The following KRTCAP3 variants were observed in gnomAD, a reference collection of about 807,000 sequenced individuals.
The protein encoded by KRTCAP3 is keratinocyte-associated protein 3.
In KRTCAP3, 18 loss-of-function variants were observed where a neutral mutation model predicts 20.5. The observed-to-expected ratio is 0.88, with a 90% CI of 0.61 to 1.31. The LOEUF (loss-of-function observed/expected upper bound fraction) is 1.31. Ranked by LOEUF, KRTCAP3 falls within the 50% of genes most tolerant of loss-of-function variation. The pLI is 0.00. For missense variants in KRTCAP3, 347 were observed against 310.4 expected, an observed-to-expected ratio of 1.12 and a Z score of -0.89; for synonymous variants, 167 against 133.7, an observed-to-expected ratio of 1.25 and a Z score of -1.72.
downstream of KRTCAP3, chr2:27,444,986 C>T (rs375966926): frequency 1.4e-5 from 22 of 1,609,194 alleles, no homozygotes; most frequent in African/African-American, 2.5e-4. Context: ...CCCTCTCTGC[C>T]TTCATTCTCC....
intron 6 of KRTCAP3, 52 bp downstream of exon 6, chr2:27,444,113 C>A: frequency 9.4e-7 from 1 of 1,064,840 alleles, no homozygotes; most frequent in Non-Finnish European, 1.5e-6. Context: ...CAAGGAAGTG[C>A]TCTTAGAACT....
intron 4 of KRTCAP3, 55 bp downstream of exon 4, chr2:27,443,335 A>T: frequency 1.9e-6 from 3 of 1,613,022 alleles, no homozygotes; most frequent in Non-Finnish European, 2.5e-6. Context: ...CTGCCCTTTT[A>T]ATTTCCCCTA....
chr2:27,442,719 G>A lies in KRTCAP3; in HGVS notation c.169G>A (p.Glu57Lys), dbSNP rs1208662595. 1.2e-6 allele frequency: 2 copies of A among 1,602,550 alleles called. No individual in the cohort carries two copies. Among genetic ancestry groups the A allele is most frequent in the Non-Finnish European group, 1.7e-6 (2 of 1,173,688 alleles). ...CAATCCCCGCGGCGCTGTCACGCCG[G>A]AGTACACCGTAGCCAATGTCATCTC... is the stretch of plus-strand genomic sequence containing the variant. ...VANPRGAVTP[E>K]YTVANVISVG... is the part of the protein sequence containing the mutation. Residue 57 changes from glutamate to lysine, a missense_variant, in exon 2 of 7, where the codon GAG (glutamate) becomes AAG (lysine). Coordinates refer to ENST00000288873, the MANE Select transcript of KRTCAP3 (RefSeq NM_173853.4).
At chr2:27,445,259 C>T (rs777683967), downstream of KRTCAP3, 3 of 1,594,950 alleles carry the variant, frequency 1.9e-6, no homozygotes, top group Non-Finnish European at 2.6e-6. The surrounding 1 kb of genome is among the most constrained non-coding windows in gnomAD (Gnocchi z 4.4). Context: ...CTGCTTTCTA[C>T]CCACCACAGG....
chr2:27,442,725 A>C lies in KRTCAP3; in HGVS notation c.175A>C (p.Thr59Pro), dbSNP rs200651326. ...NPRGAVTPEY[T>P]VANVISVGSG... Reference sequence around the variant, plus strand: ...CCGCGGCGCTGTCACGCCGGAGTACACCGTAGCCAATGTCATCTCTGTCGG... The same window carrying C: ...CCGCGGCGCTGTCACGCCGGAGTACCCCGTAGCCAATGTCATCTCTGTCGG... Residue 59 changes from threonine (T) to proline (P), a missense_variant, in exon 2 of 7, where the codon ACC becomes CCC. By Grantham distance (38) the Thr-to-Pro change is conservative. Coordinates refer to ENST00000288873, the MANE Select transcript of KRTCAP3 (RefSeq NM_173853.4). 6.2e-7 allele frequency: 1 copy of C among 1,604,642 alleles called. No homozygotes were observed. The highest frequency in any genetic ancestry group is 2.2e-5 in the East Asian group (1 of 44,620).
At chr2:27,445,826 A>T (rs1462283839), downstream of KRTCAP3, 2 of 1,614,206 alleles carry the variant, frequency 1.2e-6, no homozygotes, top group Non-Finnish European at 1.7e-6. The surrounding 1 kb of genome is among the most constrained non-coding windows in gnomAD (Gnocchi z 4.4). Context: ...GGCCATCTAG[A>T]GTCCCTTCCT....
At chr2:27,442,464 C>G (rs182899232) in intron 1 of KRTCAP3, 24 bp downstream of exon 1, 8 of 1,564,146 alleles carry the variant, frequency 5.1e-6, no homozygotes, top group Non-Finnish European at 4.3e-6. Context: ...CCTGGCGTCT[C>G]GTCTCCTTAC....
Position 27,443,262 on chromosome 2 carries a change from T to G in KRTCAP3, c.462T>G (p.Phe154Leu). 6.2e-7 allele frequency: 1 copy of G among 1,614,194 alleles called. No individual in the cohort carries two copies. The highest frequency in any genetic ancestry group is 8.5e-7 in the Non-Finnish European group (1 of 1,180,018). Reference protein sequence around the residue: ...DEGPGHTDCPFDPTRIYDTAL... With the variant: ...DEGPGHTDCPLDPTRIYDTAL... ...GGCCGGGACATACTGACTGCCCCTT[T>G]GACCCCACAAGAATCTATGTGAGCA... The change falls in exon 4 of 7, where the codon TTT becomes TTG. Residue 154 changes from phenylalanine to leucine, a missense_variant. Phe to Leu is a conservative substitution (Grantham distance 22). Transcript: ENST00000288873.
chr2:27,443,954 G>C lies in KRTCAP3; in HGVS notation c.621G>C (p.Glu207Asp). The C allele has an allele frequency of 6.3e-7, 1 of 1,579,864 alleles. No individual in the cohort carries two copies. The highest frequency in any genetic ancestry group is 2.2e-5 in the East Asian group (1 of 44,744). ...CRKDGLQGQL[E>D]EMTELESPKC... Reference sequence around the variant, plus strand: ...AACTCTATCTTCTTCTGCAGCTAGAGGAAATGACAGAGCTTGAATCTCCTA... The same window carrying C: ...AACTCTATCTTCTTCTGCAGCTAGACGAAATGACAGAGCTTGAATCTCCTA... The change falls in exon 6 of 7, where the codon GAG becomes GAC. Residue 207 changes from glutamate to aspartate, a missense_variant. Glu to Asp is a conservative substitution (Grantham distance 45). Transcript: ENST00000288873.
At position 27,442,693 on chromosome 2, in the gene KRTCAP3, C is replaced by T. The variant is rs778070692; in HGVS notation, c.143C>T (p.Ala48Val). ...VLHGTVLRHV[A>V]NPRGAVTPEY... The stretch of plus-strand genomic sequence containing the variant: ...CATGGCACCGTCCTGCGGCACGTGG[C>T]CAATCCCCGCGGCGCTGTCACGCCG... The change falls in exon 2 of 7, where the codon GCC (alanine) becomes GTC (valine). Residue 48 changes from alanine (A) to valine (V), a missense_variant. Ala to Val is a moderately conservative substitution (Grantham distance 64). Transcript: ENST00000288873. 1 of 1,587,986 alleles carries T rather than the reference C, an allele frequency of 6.3e-7. No individual in the cohort carries two copies. Among genetic ancestry groups the T allele is most frequent in the Admixed American group, 1.8e-5 (1 of 57,004 alleles).
chr2:27,445,076 A>G, downstream of KRTCAP3: 1 of 1,614,126 alleles, frequency 6.2e-7, no homozygotes, highest in Non-Finnish European at 8.5e-7. The surrounding 1 kb of genome is among the most constrained non-coding windows in gnomAD (Gnocchi z 4.4). Context: ...GGCCGCTTAA[A>G]TTCAATTTTG....
At chr2:27,444,953 T>G, downstream of KRTCAP3, 2 of 1,571,018 alleles carry the variant, frequency 1.3e-6, no homozygotes, top group Non-Finnish European at 1.7e-6. Flanking sequence ...CCAGACTTGT[T>G]TTTTTTTCTT....
chr2:27,445,389 C>G (rs1488810130), downstream of KRTCAP3: 4 of 1,612,768 alleles, frequency 2.5e-6, no homozygotes, highest in African/African-American at 1.3e-5. This position sits in a 1 kb window ranked among gnomAD's most constrained non-coding sequence, Gnocchi z 4.4. Flanking sequence ...AGAACCTGCT[C>G]CAGCCGCTGG....
At chr2:27,443,023 GGA>G (rs780960186) in intron 3 of KRTCAP3, 49 bp from the exon 4 acceptor site, 5 of 1,578,340 alleles carry the variant, frequency 3.2e-6, no homozygotes, top group African/African-American at 2.7e-5. Context: ...CTAGTCACTG[GGA>G]GAGTTAGCCA....
chr2:27,443,178 C>T lies in KRTCAP3; in HGVS notation c.378C>T (p.Arg126=). 6.2e-7 allele frequency: 1 copy of T among 1,614,076 alleles called. No homozygotes were observed. Among genetic ancestry groups the T allele is most frequent in the Non-Finnish European group, 8.5e-7 (1 of 1,179,956 alleles). The change falls in exon 4 of 7, where the codon CGC becomes CGT. Residue 126 remains arginine, a synonymous_variant. Coordinates refer to ENST00000288873, the MANE Select transcript of KRTCAP3 (RefSeq NM_173853.4). ...CACTCACTGTGGCCAACGGTGGCCGCCGCCTTATTGCTGACTGCCACCCAG... is the reference window on the plus strand; with the variant it reads ...CACTCACTGTGGCCAACGGTGGCCGTCGCCTTATTGCTGACTGCCACCCAG... ...AVSLTVANGG[R]RLIADCHPGL...
chr2:27,446,441 TAAA>T, downstream of KRTCAP3: 1 of 1,146,604 alleles, frequency 8.7e-7, no homozygotes. Context: ...GCCACAGAAC[TAAA>T]AAACAACAAT....
chr2:27,446,474 AT>A (rs11333597), downstream of KRTCAP3: 314,311 of 796,060 alleles, frequency 0.39, 67,711 homozygotes, highest in African/African-American at 0.66. Context: ...ACTGCTCTGG[AT>A]TCTCAAGCTG....
At chr2:27,446,118 A>G, downstream of KRTCAP3, 1 of 1,386,982 alleles carries the variant, frequency 7.2e-7, no homozygotes, top group Non-Finnish European at 1.0e-6. Context: ...CAGGGAGAAA[A>G]ATCCAGGAAG....
intron 1 of KRTCAP3, 58 bp from the exon 2 acceptor site, chr2:27,442,521 G>C: frequency 6.6e-7 from 1 of 1,525,858 alleles, no homozygotes; most frequent in Non-Finnish European, 8.8e-7. Context: ...TTAACCCGCC[G>C]CGAGCCGCCT....
Sources: gnomAD v4.1 joint callset for allele counts on GRCh38, gnomAD v4.1.1 for gene constraint, Gnocchi (gnomAD v3.1) non-coding constraint, MANE v1.5 for transcripts, NCBI Gene and HGNC (gene_info 2026-07-23, HGNC 2026-07-21) for gene names.